PHACTR1: variants seen among roughly 807,000 people sequenced by gnomAD.
PHACTR1 encodes the protein RPEL repeat containing 1.
A neutral mutation model predicts 69.2 loss-of-function variants in PHACTR1; 16 were observed. That is an observed-to-expected ratio of 0.23 (90% CI 0.16 to 0.35). PHACTR1 has a LOEUF of 0.35. Ranked by LOEUF, PHACTR1 falls within the 10% of genes least tolerant of loss-of-function variation. The pLI is 1.00. For missense variants in PHACTR1, 510 were observed against 734.7 expected (o/e 0.69, Z 3.54); for synonymous variants, 312 against 284.5 (o/e 1.10, Z -0.97).
chr6:12,776,130 AC>A (rs1168364890), intron 4 of PHACTR1, among the ~76,000 whole-genome samples: 1 of 152,224 alleles, frequency 6.6e-6, no homozygotes, highest in African/African-American at 2.4e-5. Context: ...ATTTAAGCAA[AC>A]CTGAGTTTAT....
At chr6:12,895,095 C>G (rs2127473659) in intron 4 of PHACTR1, among the ~76,000 whole-genome samples, 1 of 151,632 alleles carries the variant, frequency 6.6e-6, no homozygotes, top group African/African-American at 2.4e-5. Context: ...CTTTTAATAT[C>G]TGTATAATAT....
intron 4 of PHACTR1, chr6:12,958,030 C>A: frequency 4.1e-6 from 4 of 985,102 alleles, no homozygotes; most frequent in Non-Finnish European, 4.8e-6. Context: ...CTTTGGGCAG[C>A]CTTTAAGGTA....
At chr6:12,953,508 T>G (rs1464378130) in intron 4 of PHACTR1, among the ~76,000 whole-genome samples, 1 of 152,188 alleles carries the variant, frequency 6.6e-6, no homozygotes, top group Non-Finnish European at 1.5e-5. Flanking sequence ...TTAACAAATA[T>G]GTAACCCTGT....
At chr6:12,767,679 T>C (rs1768809568) in intron 4 of PHACTR1, among the ~76,000 whole-genome samples, 2 of 152,076 alleles carry the variant, frequency 1.3e-5, no homozygotes, top group Non-Finnish European at 2.9e-5. Context: ...TGGTGTAGGG[T>C]AATACATGAG....
intron 4 of PHACTR1, among the ~76,000 whole-genome samples, chr6:12,769,947 A>G (rs548051519): frequency 2.0e-5 from 3 of 152,324 alleles, no homozygotes; most frequent in African/African-American, 7.2e-5. Context: ...CTTTTAGGTA[A>G]CTCAACTTGG....
chr6:13,204,417 C>T (rs981628889), intron 7 of PHACTR1, among the ~76,000 whole-genome samples: 2 of 152,024 alleles, frequency 1.3e-5, no homozygotes, highest in African/African-American at 4.8e-5. Flanking sequence ...CTCCCTACTC[C>T]TCCCTGCTGT....
intron 10 of PHACTR1, among the ~76,000 whole-genome samples, chr6:13,264,432 A>G (rs1407763821): frequency 6.6e-6 from 1 of 152,262 alleles, no homozygotes; most frequent in East Asian, 1.9e-4. Flanking sequence ...AAAAAATAAA[A>G]TTTGGGCTGG....
chr6:12,962,679 A>G (rs969313495), intron 4 of PHACTR1, among the ~76,000 whole-genome samples: 1 of 152,186 alleles, frequency 6.6e-6, no homozygotes, highest in Admixed American at 6.5e-5. Flanking sequence ...GATTGTACCT[A>G]ACAAGTTTTG....
chr6:12,932,869 CAG>C (rs1789019415), intron 4 of PHACTR1, among the ~76,000 whole-genome samples: 1 of 151,820 alleles, frequency 6.6e-6, no homozygotes, highest in Admixed American at 6.6e-5. Flanking sequence ...AATTCATAAG[CAG>C]AGAGTCTCTA....
intron 4 of PHACTR1, among the ~76,000 whole-genome samples, chr6:12,906,789 A>T (rs1785779245): frequency 2.6e-5 from 4 of 152,212 alleles, no homozygotes; most frequent in Admixed American, 2.6e-4. Context: ...CCAGTCCCCC[A>T]AAAGAACTCC....
At chr6:12,758,056 G>A (rs1308603885) in intron 4 of PHACTR1, among the ~76,000 whole-genome samples, 1 of 151,374 alleles carries the variant, frequency 6.6e-6, no homozygotes, top group Non-Finnish European at 1.5e-5. Flanking sequence ...AGGTTACAGT[G>A]AGCCGAGGTC....
In PHACTR1 at chr6:12,917,391, A is replaced by G. The variant is rs890852414; in HGVS notation, c.251-135974A>G. On this transcript the variant is annotated intron_variant, in intron 4 of 14. Coordinates refer to ENST00000332995, the MANE Select transcript of PHACTR1 (RefSeq NM_030948.6). Reference sequence around the variant, plus strand: ...TTTAGGTTGACCCTCAACAGGGATCATGCCATCTCGGAAGCATTCATGTTC... The same window carrying G: ...TTTAGGTTGACCCTCAACAGGGATCGTGCCATCTCGGAAGCATTCATGTTC... Among the ~76,000 whole-genome samples, 3 of 152,320 alleles carry G rather than the reference A, an allele frequency of 2.0e-5. No individual in the cohort carries two copies. The South Asian group carries it at 6.2e-4, about 32-fold the overall frequency.
At chr6:13,196,269 A>G (rs1385061591) in intron 7 of PHACTR1, among the ~76,000 whole-genome samples, 2 of 129,042 alleles carry the variant, frequency 1.5e-5, no homozygotes, top group Non-Finnish European at 3.2e-5. Flanking sequence ...AGGCATTTTT[A>G]TCCCAGGAAT....
At position 13,022,638 on chromosome 6, in the gene PHACTR1, G is replaced by T. The variant is rs1323363665; in HGVS notation, c.251-30727G>T. ...AGACTAAGTTGTCACAGAGACTCTC[G>T]AAGCTTAAGATATTTATTCTCTGGC... On this transcript the variant is annotated intron_variant, in intron 4 of 14. Coordinates refer to ENST00000332995, the MANE Select transcript of PHACTR1 (RefSeq NM_030948.6). 2.7e-5 allele frequency among the ~76,000 whole-genome samples: 4 copies of T among 150,266 alleles called. No homozygotes were observed. The East Asian group carries it at 7.8e-4, about 29-fold the overall frequency.
At chr6:12,774,651 C>T (rs768554808) in intron 4 of PHACTR1, among the ~76,000 whole-genome samples, 7 of 152,196 alleles carry the variant, frequency 4.6e-5, no homozygotes, top group Admixed American at 1.3e-4. Context: ...CCACCTGTCT[C>T]GTCCACCCAA....
intron 10 of PHACTR1, chr6:13,272,580 G>A (rs1193147778): frequency 2.6e-6 from 2 of 775,352 alleles, no homozygotes; most frequent in Non-Finnish European, 3.9e-6. Flanking sequence ...CTGAGTTGCA[G>A]TCCACTTGCC....
intron 10 of PHACTR1, chr6:13,272,307 G>T (rs1346556182): frequency 6.5e-6 from 1 of 153,680 alleles, no homozygotes; most frequent in Non-Finnish European, 1.5e-5. Context: ...TCATTTCTGT[G>T]CCTTTGCCAC....
intron 4 of PHACTR1, among the ~76,000 whole-genome samples, chr6:12,762,422 G>T (rs17616767): frequency 0.062 from 9,379 of 152,176 alleles, 411 homozygotes; most frequent in Admixed American, 0.1. Context: ...GTATTTTACT[G>T]CATTTGACAT....
chr6:13,234,839 T>C (rs182452701), intron 10 of PHACTR1, among the ~76,000 whole-genome samples: 1 of 152,296 alleles, frequency 6.6e-6, no homozygotes, highest in East Asian at 1.9e-4. Flanking sequence ...AGGGTTCACG[T>C]TGCTCCTCCT....
Sources: gnomAD v4.1 joint callset for allele counts (sites outside exome capture counted in the v4.1 genomes callset) on GRCh38, gnomAD v4.1.1 for gene constraint, MANE v1.5 for transcripts, NCBI Gene and HGNC (gene_info 2026-07-23, HGNC 2026-07-21) for gene names.